The following DPP6 variants were observed in gnomAD, a reference collection of about 807,000 sequenced individuals.
DPP6 encodes dipeptidyl peptidase like 6.
In DPP6, 69 loss-of-function variants were observed where a neutral mutation model predicts 122.6. The observed-to-expected ratio is 0.56, with a 90% CI of 0.46 to 0.69. The LOEUF is 0.69. Among genes scored for constraint, DPP6 ranks in the 30% least tolerant of loss-of-function variants. The pLI, the probability that DPP6 is intolerant of heterozygous loss-of-function variation, is 0.00. For missense variants in DPP6, 928 were observed against 1,116.9 expected, an observed-to-expected ratio of 0.83 and a Z score of 2.41; for synonymous variants, 418 against 433.1, an observed-to-expected ratio of 0.97 and a Z score of 0.43.
upstream of DPP6, among the ~76,000 whole-genome samples, chr7:153,886,318 G>A (rs1798910528): frequency 6.6e-6 from 1 of 152,166 alleles, no homozygotes; most frequent in Admixed American, 6.5e-5. Context: ...ACAGCGCCCA[G>A]GGGCAGCAGG....
chr7:154,156,740 G>C (rs562920371), intron 1 of DPP6, among the ~76,000 whole-genome samples: 8 of 152,330 alleles, frequency 5.3e-5, no homozygotes, highest in Non-Finnish European at 1.0e-4. Context: ...ATCAGATTTA[G>C]ACCTTGAATT....
At chr7:154,698,521 A>AT (rs11372189) in intron 7 of DPP6, among the ~76,000 whole-genome samples, 14,891 of 152,220 alleles carry the variant, frequency 0.098, 815 homozygotes, top group South Asian at 0.15. Flanking sequence ...TAAGGCTATG[A>AT]TTTTTTAAAA....
intron 1 of DPP6, among the ~76,000 whole-genome samples, chr7:153,889,145 G>A (rs541662184): frequency 1.3e-5 from 2 of 152,248 alleles, no homozygotes; most frequent in Non-Finnish European, 2.9e-5. Flanking sequence ...TTACTCTTCA[G>A]GACCCTCCCC....
intron 1 of DPP6, among the ~76,000 whole-genome samples, chr7:154,004,381 G>A (rs1462671506): frequency 6.6e-6 from 1 of 152,216 alleles, no homozygotes; most frequent in African/African-American, 2.4e-5. Context: ...CAAGAACCTC[G>A]TAAACTCCAG....
chr7:154,722,868 A>C (rs1306034192), intron 7 of DPP6, among the ~76,000 whole-genome samples: 1 of 152,210 alleles, frequency 6.6e-6, no homozygotes, highest in Non-Finnish European at 1.5e-5. Flanking sequence ...TGATCTCAGC[A>C]TCCAGGATTT....
intron 1 of DPP6, among the ~76,000 whole-genome samples, chr7:154,415,976 A>T (rs1205056510): frequency 6.6e-6 from 1 of 151,986 alleles, no homozygotes; most frequent in African/African-American, 2.4e-5. Context: ...CCAGAGAGTT[A>T]TAGTAGTCCC....
intron 3 of DPP6, among the ~76,000 whole-genome samples, chr7:154,487,929 A>G (rs1192538718): frequency 2.0e-5 from 3 of 152,136 alleles, no homozygotes; most frequent in Non-Finnish European, 2.9e-5. Flanking sequence ...CTTCACATTC[A>G]GGTGTCTGTC....
chr7:154,072,401 C>T (rs563851290), intron 1 of DPP6, among the ~76,000 whole-genome samples: 3 of 152,268 alleles, frequency 2.0e-5, no homozygotes, highest in South Asian at 2.1e-4. Flanking sequence ...AAGCTGCCTG[C>T]GCTTTGCTGC....
intron 1 of DPP6, among the ~76,000 whole-genome samples, chr7:154,145,746 C>T (rs1381981247): frequency 2.7e-4 from 22 of 80,452 alleles, no homozygotes; most frequent in Non-Finnish European, 4.8e-4. Context: ...CACAGTTGCG[C>T]CTCGAACAAT....
At chr7:154,412,240 G>T (rs1194596098) in intron 1 of DPP6, among the ~76,000 whole-genome samples, 1 of 152,102 alleles carries the variant, frequency 6.6e-6, no homozygotes, top group South Asian at 2.1e-4. Flanking sequence ...AAAAACATTT[G>T]CCCATAGCAG....
At chr7:154,145,711 A>G (rs1414276082) in intron 1 of DPP6, among the ~76,000 whole-genome samples, 4 of 106,576 alleles carry the variant, frequency 3.8e-5, no homozygotes, top group Non-Finnish European at 7.9e-5. Flanking sequence ...GATCTTCGCA[A>G]GTTCCCACCC....
chr7:154,875,928 A>T lies in DPP6; in HGVS notation c.1906A>T (p.Ser636Cys), dbSNP rs949586514. 6.2e-7 allele frequency: 1 copy of T among 1,612,494 alleles called. No individual in the cohort carries two copies. The highest frequency in any genetic ancestry group is 8.5e-7 in the Non-Finnish European group (1 of 1,179,324). Residue 636 changes from serine (S) to cysteine (C), a missense_variant, in exon 20 of 26, where the codon AGT becomes TGT. Transcript: ENST00000377770. This position sits in a 1 kb window ranked among gnomAD's most constrained non-coding sequence, Gnocchi z 4.5. ...LVVDGTPGSQ[S>C]VAEKFEVSWE... ...CAGGGATGGCACCCCAGGCAGCCAG[A>T]GTGTGGCTGAGAAGTTCGAGGTGAG...
chr7:153,761,277 A>G, the DPP6 span, among the ~76,000 whole-genome samples: 1 of 152,196 alleles, frequency 6.6e-6, no homozygotes, highest in Non-Finnish European at 1.5e-5. Context: ...GTTAGTACAT[A>G]CCTTTTGATT....
At chr7:153,954,506 G>T (rs1248798603) in intron 1 of DPP6, among the ~76,000 whole-genome samples, 2 of 152,212 alleles carry the variant, frequency 1.3e-5, no homozygotes, top group Non-Finnish European at 2.9e-5. Flanking sequence ...ATCAAACTGT[G>T]ATGGGTAATT....
In DPP6 at chr7:154,794,124, C is replaced by T. The variant is rs757195104; in HGVS notation, c.1182C>T (p.Val394=). The T allele has an allele frequency of 1.2e-5, 19 of 1,613,656 alleles. No individual in the cohort carries two copies. Among genetic ancestry groups the T allele is most frequent in the Non-Finnish European group, 1.6e-5 (19 of 1,179,728 alleles). ...TGAAGTGGGCCACCAGCACCAAGGT[C>T]GCCGTGACCTGGCTGAACCGGGCGC... The part of the protein sequence containing the change: ...TMVKWATSTK[V]AVTWLNRAQN... Residue 394 remains valine, a synonymous_variant, in exon 11 of 26, where the codon GTC becomes GTT. Coordinates refer to ENST00000377770, the MANE Select transcript of DPP6 (RefSeq NM_130797.4).
the DPP6 span, among the ~76,000 whole-genome samples, chr7:153,842,817 G>T: frequency 6.6e-6 from 1 of 152,152 alleles, no homozygotes; most frequent in Non-Finnish European, 1.5e-5. Context: ...ATAGATCTAA[G>T]TATTGGAAGT....
At chr7:154,032,223 C>T (rs1799280109) in intron 1 of DPP6, among the ~76,000 whole-genome samples, 1 of 152,146 alleles carries the variant, frequency 6.6e-6, no homozygotes, top group East Asian at 1.9e-4. Flanking sequence ...ATTTGACAGG[C>T]AAGTCAAGGG....
intron 1 of DPP6, among the ~76,000 whole-genome samples, chr7:154,087,846 T>C (rs4067521): frequency 3.9e-5 from 6 of 152,176 alleles, no homozygotes; most frequent in South Asian, 4.1e-4. Flanking sequence ...TATAGACACA[T>C]ATGTATGCAA....
At chr7:153,895,945 T>G (rs973815246) in intron 1 of DPP6, among the ~76,000 whole-genome samples, 1 of 152,228 alleles carries the variant, frequency 6.6e-6, no homozygotes, top group African/African-American at 2.4e-5. Context: ...CAGTGTGGTG[T>G]TACTCGTCTG....
Sources: allele counts gnomAD v4.1 joint callset (sites outside exome capture counted in the v4.1 genomes callset), GRCh38; gene constraint gnomAD v4.1.1; non-coding constraint Gnocchi (gnomAD v3.1); transcripts MANE v1.5; gene names NCBI Gene and HGNC (gene_info 2026-07-23, HGNC 2026-07-21).